RADIL: variants seen among roughly 807,000 people sequenced by gnomAD.
The protein encoded by RADIL is ras-associating and dilute domain-containing protein.
RADIL carries 99 observed loss-of-function variants against 97.6 expected under a neutral mutation model. The observed-to-expected ratio is 1.01, with a 90% CI of 0.86 to 1.20. RADIL has a LOEUF of 1.20. RADIL is among the 50% of genes most tolerant of loss of function. RADIL has a pLI of 0.00. For missense variants in RADIL, 1,765 were observed against 1,498.9 expected, an observed-to-expected ratio of 1.18 and a Z score of -2.93; for synonymous variants, 803 against 691.8, an observed-to-expected ratio of 1.16 and a Z score of -2.52.
chr7:4,801,025 T>C (rs1000538470), intron 12 of RADIL, among the ~76,000 whole-genome samples: 1 of 152,152 alleles, frequency 6.6e-6, no homozygotes, highest in African/African-American at 2.4e-5. Context: ...CACACACTCA[T>C]GCACACATAT....
chr7:4,848,811 A>G (rs1335865314), intron 2 of RADIL, among the ~76,000 whole-genome samples: 1 of 152,204 alleles, frequency 6.6e-6, no homozygotes, highest in Non-Finnish European at 1.5e-5. Context: ...TGAAATTTTT[A>G]AAAACCAAGA....
chr7:4,861,576 C>T (rs748001422), intron 2 of RADIL: 6 of 1,613,806 alleles, frequency 3.7e-6, no homozygotes, highest in Non-Finnish European at 4.2e-6. Flanking sequence ...TCACTGATTT[C>T]GCGTATCCAT....
chr7:4,808,228 T>C (rs114938461), intron 9 of RADIL, among the ~76,000 whole-genome samples: 2,401 of 141,090 alleles, frequency 0.017, 70 homozygotes, highest in African/African-American at 0.06. Context: ...CTCCGCCCCC[T>C]CTCTCTCCCC....
At position 4,798,055 on chromosome 7, in the gene RADIL, A is replaced by C. The variant is rs1035666150; in HGVS notation, c.*1323T>G. ...AAATATACGAATATATTACGTATAC[A>C]TGAATATGTAATATATTCATATATA... On this transcript the variant is annotated 3_prime_UTR_variant, in exon 15 of 15. Transcript: ENST00000399583. 6.8e-6 allele frequency: 1 copy of C among 147,820 alleles called. No homozygotes were observed. The highest frequency in any genetic ancestry group is 1.9e-4 in the East Asian group (1 of 5,160). The allele number at this position is 147,820 out of a possible 1,614,324, so 9.2% of individuals were successfully genotyped here. A position where few individuals can be genotyped will look rare whatever the true frequency, so the allele number is the denominator to read the frequency against.
chr7:4,804,962 C>T (rs1410240864), intron 10 of RADIL, among the ~76,000 whole-genome samples: 3 of 151,820 alleles, frequency 2.0e-5, no homozygotes, highest in Admixed American at 1.3e-4. Flanking sequence ...GGCGTGGTGG[C>T]GGACACCTGT....
Position 4,877,912 on chromosome 7 carries a change from G to T in RADIL, c.228C>A (p.Thr76=), listed in dbSNP as rs199593073. 9.3e-5 allele frequency: 149 copies of T among 1,606,596 alleles called. No homozygotes were observed. Among genetic ancestry groups the T allele is most frequent in the Non-Finnish European group, 1.1e-4 (132 of 1,179,970 alleles). Residue 76 remains threonine, a synonymous_variant, in exon 2 of 15, where the codon ACC becomes ACA. Coordinates refer to ENST00000399583, the MANE Select transcript of RADIL (RefSeq NM_018059.5). Reference sequence around the variant, plus strand: ...CGGTGGCCAGGACGCTCTTGTAGTGGGTTCCTGTGCAGACACTGTCCCCAA... The same window carrying T: ...CGGTGGCCAGGACGCTCTTGTAGTGTGTTCCTGTGCAGACACTGTCCCCAA... ...KVFGDSVCTG[T]HYKSVLATGT...
At chr7:4,865,716 T>G (rs749194956) in intron 2 of RADIL, 2 of 1,042,956 alleles carry the variant, frequency 1.9e-6, no homozygotes, top group Admixed American at 1.7e-5. Flanking sequence ...TTCCATCTTC[T>G]ACGGGGTGGG....
chr7:4,821,969 G>A lies in RADIL; in HGVS notation c.1615+425C>T, dbSNP rs533853640. Among the ~76,000 whole-genome samples, 4 of 152,042 alleles carry A rather than the reference G, an allele frequency of 2.6e-5. No homozygotes were observed. In the South Asian group the frequency reaches 6.2e-4, roughly 24 times the overall value. On this transcript the variant is annotated intron_variant, in intron 6 of 14. Coordinates refer to ENST00000399583, the MANE Select transcript of RADIL (RefSeq NM_018059.5). The surrounding 1 kb of genome is among the most constrained non-coding windows in gnomAD (Gnocchi z 5.2). ...GCAACATCTGTCCTTCTGGAATAAC[G>A]GTGTGTCTCAGAACGGGCGGCGGTC...
intron 2 of RADIL, among the ~76,000 whole-genome samples, chr7:4,841,480 G>A (rs964794971): frequency 2.6e-5 from 4 of 152,256 alleles, no homozygotes; most frequent in African/African-American, 9.6e-5. Flanking sequence ...CTTGGTGGGA[G>A]CATCCAGTTT....
chr7:4,816,751 G>A (rs909115461), intron 7 of RADIL, among the ~76,000 whole-genome samples: 6 of 152,118 alleles, frequency 3.9e-5, no homozygotes, highest in Non-Finnish European at 7.4e-5. Context: ...GGTGGCGCCT[G>A]GGGGGATGGG....
At position 4,837,295 on chromosome 7, in the gene RADIL, G is replaced by T. The variant is rs1228986230; in HGVS notation, c.536-690C>A. Among the ~76,000 whole-genome samples, 1 of 152,184 alleles carries T rather than the reference G, an allele frequency of 6.6e-6. No homozygotes were observed. The highest frequency in any genetic ancestry group is 1.5e-5 in the Non-Finnish European group (1 of 68,022). On this transcript the variant is annotated intron_variant, in intron 2 of 14. Transcript: ENST00000399583. The surrounding 1 kb of genome is among the most constrained non-coding windows in gnomAD (Gnocchi z 5.6). ...TTTTCCCACGGCAGCCTGGGCCTCT[G>T]CAGGGTCACCACGCCGCCTCCAGAG...
intron 12 of RADIL, among the ~76,000 whole-genome samples, chr7:4,800,711 C>A (rs1038437340): frequency 6.6e-6 from 1 of 152,192 alleles, no homozygotes; most frequent in African/African-American, 2.4e-5. Context: ...CAGACCGGGG[C>A]CCCAGGCCCT....
intron 2 of RADIL, among the ~76,000 whole-genome samples, chr7:4,848,773 C>G (rs1010102705): frequency 6.6e-6 from 1 of 152,060 alleles, no homozygotes; most frequent in African/African-American, 2.4e-5. Context: ...TTCTCATTTT[C>G]CACTGAAGGA....
rs943709989 is a variant in RADIL at position 4,822,834 on chromosome 7, C to T, written c.1455-280G>A. Among the ~76,000 whole-genome samples the T allele has an allele frequency of 1.3e-5, 2 of 152,132 alleles. No individual in the cohort carries two copies. The highest frequency in any genetic ancestry group is 2.9e-5 in the Non-Finnish European group (2 of 68,028). ...CTCGGTAAGTAGATGGCTTGCATGT[C>T]TTCTCTTTTGGAATGAGATCATAAA... On this transcript the variant is annotated intron_variant, in intron 5 of 14. Transcript: ENST00000399583. The surrounding 1 kb of genome is among the most constrained non-coding windows in gnomAD (Gnocchi z 5.3).
In RADIL at chr7:4,818,525, G is replaced by A. The variant is rs1255517697; in HGVS notation, c.1616-1174C>T. ...TCACATCTGGGAACCAGGCAGGGCA[G>A]CTGGAGGGACCCCGGGGTCCGGGGC... On this transcript the variant is annotated intron_variant, in intron 6 of 14. Coordinates refer to ENST00000399583, the MANE Select transcript of RADIL (RefSeq NM_018059.5). The surrounding 1 kb of genome is among the most constrained non-coding windows in gnomAD (Gnocchi z 7.1). 6.6e-6 allele frequency among the ~76,000 whole-genome samples: 1 copy of A among 152,222 alleles called. No homozygotes were observed. The highest frequency in any genetic ancestry group is 1.5e-5 in the Non-Finnish European group (1 of 68,032).
chr7:4,848,247 T>A (rs1783624017), intron 2 of RADIL, among the ~76,000 whole-genome samples: 1 of 151,370 alleles, frequency 6.6e-6, no homozygotes, highest in South Asian at 2.1e-4. Context: ...AAGACTGGAC[T>A]GTGATGATGA....
intron 4 of RADIL, among the ~76,000 whole-genome samples, chr7:4,832,823 G>A (rs939444546): frequency 1.3e-5 from 2 of 152,032 alleles, no homozygotes; most frequent in South Asian, 4.1e-4. Context: ...TGATGGCTGA[G>A]TGCGCGTAGA....
rs780106478 is a variant in RADIL at position 4,816,436 on chromosome 7, C to G, written c.1758G>C (p.Leu586=). Residue 586 remains leucine (L), a synonymous_variant, in exon 8 of 15, where the codon CTG becomes CTC. Coordinates refer to ENST00000399583, the MANE Select transcript of RADIL (RefSeq NM_018059.5). ...GCTCCGTCTGGAATGGCGGGCACTC[C>G]AGGAGTGCCGGGAGGCAGATGTACA... ...KSLYICLPAL[L]ECPPFQTERR... 1 of 1,607,754 alleles carries G rather than the reference C, an allele frequency of 6.2e-7. No individual in the cohort carries two copies. Among genetic ancestry groups the G allele is most frequent in the East Asian group, 2.2e-5 (1 of 44,702 alleles).
chr7:4,817,068 C>T lies in RADIL; in HGVS notation c.1728+171G>A, dbSNP rs534639632. On this transcript the variant is annotated intron_variant, in intron 7 of 14. Transcript: ENST00000399583. This position sits in a 1 kb window ranked among gnomAD's most constrained non-coding sequence, Gnocchi z 8.3. ...TGAGGAGGAGCGGGTGTGGGGGGTGCAGCTGGGCCTGTGCAGAACCTGCAG... is the reference window on the plus strand; with the variant it reads ...TGAGGAGGAGCGGGTGTGGGGGGTGTAGCTGGGCCTGTGCAGAACCTGCAG... Among the ~76,000 whole-genome samples, 2 of 152,240 alleles carry T rather than the reference C, an allele frequency of 1.3e-5. No individual in the cohort carries two copies. Among genetic ancestry groups the T allele is most frequent in the South Asian group, 4.1e-4 (2 of 4,824 alleles).
Sources: allele counts gnomAD v4.1 joint callset (sites outside exome capture counted in the v4.1 genomes callset), GRCh38; gene constraint gnomAD v4.1.1; non-coding constraint Gnocchi (gnomAD v3.1); transcripts MANE v1.5; gene names NCBI Gene and HGNC (gene_info 2026-07-23, HGNC 2026-07-21).